GRIN2D: variants seen among roughly 807,000 people sequenced by gnomAD.
The protein encoded by GRIN2D is glutamate ionotropic receptor NMDA type subunit 2D.
A neutral mutation model predicts 103.2 loss-of-function variants in GRIN2D; 37 were observed. The ratio of observed to expected loss-of-function variants is 0.36; its 90% confidence interval spans 0.28 to 0.47. GRIN2D has a LOEUF of 0.47. GRIN2D is among the 20% of genes least tolerant of loss of function. The probability of loss-of-function intolerance (pLI) is 1.00; values close to 1 mark genes in which losing one functional copy is unlikely to be tolerated. For synonymous variants in GRIN2D, 845 were observed against 885.6 expected, an observed-to-expected ratio of 0.95 and a Z score of 0.81; for missense variants, 1,557 against 1,910.6, an observed-to-expected ratio of 0.81 and a Z score of 3.45.
chr19:48,438,676 C>T (rs547407509), intron 11 of GRIN2D, among the ~76,000 whole-genome samples: 3 of 152,080 alleles, frequency 2.0e-5, no homozygotes, highest in South Asian at 2.1e-4. Context: ...TCATGTGATC[C>T]GCCCGCCTCA....
chr19:48,430,233 T>C (rs1044382409), intron 11 of GRIN2D, among the ~76,000 whole-genome samples: 1 of 152,206 alleles, frequency 6.6e-6, no homozygotes, highest in African/African-American at 2.4e-5. Flanking sequence ...AGGGTCTCAC[T>C]ATGTTGCCCA....
Position 48,436,336 on chromosome 19 carries a change from T to C in GRIN2D, c.2253-5433T>C, listed in dbSNP as rs181585717. Among the ~76,000 whole-genome samples the C allele has an allele frequency of 5.9e-3, 905 of 152,172 alleles. 4 individuals are homozygous for C. Among genetic ancestry groups the C allele is most frequent in the African/African-American group, 0.02 (844 of 41,506 alleles). Reference sequence around the variant, plus strand: ...TGCTGTTTTCTGTTCCTGGGTGGGATGGCAGAACTGGCTGAGCCAGATTAC... The same window carrying C: ...TGCTGTTTTCTGTTCCTGGGTGGGACGGCAGAACTGGCTGAGCCAGATTAC... On this transcript the variant is annotated intron_variant, in intron 11 of 13. Transcript: ENST00000263269.
At position 48,442,544 on chromosome 19, in the gene GRIN2D, C is replaced by G; in HGVS notation, c.2674-56C>G. On this transcript the variant is annotated intron_variant, in intron 13 of 13. Coordinates refer to ENST00000263269, the MANE Select transcript of GRIN2D (RefSeq NM_000836.4). The surrounding 1 kb of genome is among the most constrained non-coding windows in gnomAD (Gnocchi z 7.2). ...AGAGGAGAGAGGGACTGAGGGGAGG[C>G]GGGCAGGCGTCCTGGGCATCTCGCG... The G allele has an allele frequency of 1.4e-6, 2 of 1,474,324 alleles. No homozygotes were observed. Among genetic ancestry groups the G allele is most frequent in the Non-Finnish European group, 1.8e-6 (2 of 1,117,230 alleles). 91.3% of individuals were successfully genotyped at this position (1,474,324 alleles called of 1,614,324 possible).
At chr19:48,412,414 GAGAA>G (rs1477293044) in intron 4 of GRIN2D, among the ~76,000 whole-genome samples, 2 of 115,828 alleles carry the variant, frequency 1.7e-5, no homozygotes, top group African/African-American at 6.3e-5. Flanking sequence ...AAGAAAGAAA[GAGAA>G]AGAAAAGAAA....
chr19:48,398,507 G>A lies in GRIN2D; in HGVS notation c.115G>A (p.Gly39Ser). Reference protein sequence around the residue: ...PEEAPGPGGAGGPGGGLGGAR... With the variant: ...PEEAPGPGGASGPGGGLGGAR... ...GGAGGCGCCGGGGCCGGGCGGGGCC[G>A]GTGGGCCCGGCGGCGGCCTCGGCGG... Residue 39 changes from glycine (G) to serine (S), a missense_variant, in exon 3 of 14, where the codon GGT (glycine) becomes AGT (serine). This residue lies in a region of GRIN2D where 490 missense variants were observed against 601.1 expected (regional missense o/e 0.82). Coordinates refer to ENST00000263269, the MANE Select transcript of GRIN2D (RefSeq NM_000836.4). 1 of 1,011,286 alleles carries A rather than the reference G, an allele frequency of 9.9e-7. No homozygotes were observed. 62.6% of individuals were successfully genotyped at this position (1,011,286 alleles called of 1,614,324 possible). A position where few individuals can be genotyped will look rare whatever the true frequency, so the allele number is the denominator to read the frequency against.
At chr19:48,430,487 T>C (rs932060488) in intron 11 of GRIN2D, among the ~76,000 whole-genome samples, 23 of 150,526 alleles carry the variant, frequency 1.5e-4, no homozygotes, top group Non-Finnish European at 3.0e-4. Flanking sequence ...GCGGGAGCCA[T>C]AGCTCCCAGC....
Position 48,414,858 on chromosome 19 carries a change from C to T in GRIN2D, c.1413-6C>T. ...CAAACTCCCCAAGCCTGGTCACTGC[C>T]CGCAGCCCTCCACCGGATGCCCCCC... On this transcript the variant is annotated splice_region_variant and splice_polypyrimidine_tract_variant and intron_variant, in intron 6 of 13. Coordinates refer to ENST00000263269, the MANE Select transcript of GRIN2D (RefSeq NM_000836.4). This position sits in a 1 kb window ranked among gnomAD's most constrained non-coding sequence, Gnocchi z 4.6. 1.2e-6 allele frequency: 2 copies of T among 1,613,938 alleles called. No homozygotes were observed. Among genetic ancestry groups the T allele is most frequent in the Non-Finnish European group, 1.7e-6 (2 of 1,179,968 alleles).
chr19:48,436,950 A>G (rs1404109050), intron 11 of GRIN2D, among the ~76,000 whole-genome samples: 1 of 152,066 alleles, frequency 6.6e-6, no homozygotes, highest in African/African-American at 2.4e-5. Context: ...TGACGAGGGG[A>G]GCCAAGAGGG....
intron 11 of GRIN2D, among the ~76,000 whole-genome samples, chr19:48,439,897 C>T (rs1157665147): frequency 6.6e-6 from 1 of 152,108 alleles, no homozygotes; most frequent in Non-Finnish European, 1.5e-5. Flanking sequence ...GAGCCCAGAT[C>T]GCACCATTGC....
At chr19:48,408,768 C>G (rs991878271) in intron 4 of GRIN2D, among the ~76,000 whole-genome samples, 2 of 150,298 alleles carry the variant, frequency 1.3e-5, no homozygotes, top group East Asian at 3.9e-4. Flanking sequence ...TGCAGTGAGC[C>G]GAGACCATAC....
Position 48,421,749 on chromosome 19 carries a change from C to G in GRIN2D, c.2092-36C>G. 1 of 1,587,760 alleles carries G rather than the reference C, an allele frequency of 6.3e-7. No homozygotes were observed. Among genetic ancestry groups the G allele is most frequent in the Non-Finnish European group, 8.6e-7 (1 of 1,159,802 alleles). On this transcript the variant is annotated intron_variant, in intron 10 of 13. Coordinates refer to ENST00000263269, the MANE Select transcript of GRIN2D (RefSeq NM_000836.4). This position sits in a 1 kb window ranked among gnomAD's most constrained non-coding sequence, Gnocchi z 4.8. ...GTGATTTATGTTAGGGATGTCCCTG[C>G]GGAGGGTGCCCTAATCACTCCCCAT...
Position 48,419,598 on chromosome 19 carries a change from A to C in GRIN2D, c.1875A>C (p.Ser625=), listed in dbSNP as rs765205157. 1 of 1,612,492 alleles carries C rather than the reference A, an allele frequency of 6.2e-7. No homozygotes were observed. The highest frequency in any genetic ancestry group is 1.1e-5 in the South Asian group (1 of 91,006). Reference sequence around the variant, plus strand: ...GGCCCCCTGCAGGCCCTGGCGGTTCAACCTTCACCATTGGGAAATCCATCT... The same window carrying C: ...GGCCCCCTGCAGGCCCTGGCGGTTCCACCTTCACCATTGGGAAATCCATCT... ...SLATGKRPGG[S]TFTIGKSIWL... is the part of the protein sequence containing the mutation. The change falls in exon 10 of 14, where the codon TCA becomes TCC. Residue 625 remains serine (S), a synonymous_variant. Coordinates refer to ENST00000263269, the MANE Select transcript of GRIN2D (RefSeq NM_000836.4).
At position 48,421,794 on chromosome 19, in the gene GRIN2D, C is replaced by T; in HGVS notation, c.2101C>T (p.Pro701Ser). ...SGLSDRKFQR[P>S]QEQYPPLKFG... ...CCCCATTCTGCCCCAGTTCCAGAGG[C>T]CCCAGGAGCAGTACCCGCCCCTGAA... Residue 701 changes from proline to serine, a missense_variant, in exon 11 of 14, where the codon CCC becomes TCC. Around this residue, in one of 7 missense-constraint regions of GRIN2D, gnomAD observed 138 missense variants for 270.2 expected, o/e 0.51. Coordinates refer to ENST00000263269, the MANE Select transcript of GRIN2D (RefSeq NM_000836.4). The surrounding 1 kb of genome is among the most constrained non-coding windows in gnomAD (Gnocchi z 4.8). 1 of 1,613,542 alleles carries T rather than the reference C, an allele frequency of 6.2e-7. No homozygotes were observed.
At chr19:48,403,225 G>C (rs898580268) in intron 3 of GRIN2D, among the ~76,000 whole-genome samples, 1 of 133,302 alleles carries the variant, frequency 7.5e-6, no homozygotes, top group Non-Finnish European at 1.6e-5. Flanking sequence ...AAAAAAAAAG[G>C]CTGGAGGATA....
At chr19:48,402,229 A>C (rs1970725393) in intron 3 of GRIN2D, among the ~76,000 whole-genome samples, 1 of 152,174 alleles carries the variant, frequency 6.6e-6, no homozygotes, top group Non-Finnish European at 1.5e-5. Flanking sequence ...AAAGGGTGAC[A>C]ATGAGAGTTG....
chr19:48,435,837 T>C (rs1396956600), intron 11 of GRIN2D, among the ~76,000 whole-genome samples: 1 of 152,244 alleles, frequency 6.6e-6, no homozygotes, highest in Non-Finnish European at 1.5e-5. Context: ...GCAAAGTCCC[T>C]GCCTCATGGA....
intron 11 of GRIN2D, 130 bp downstream of exon 11, chr19:48,422,075 C>A: frequency 1.2e-6 from 1 of 818,804 alleles, no homozygotes; most frequent in Non-Finnish European, 1.9e-6. Context: ...GCTTGGAGGG[C>A]GGAGGTCACT....
At chr19:48,429,219 T>A (rs1346244248) in intron 11 of GRIN2D, among the ~76,000 whole-genome samples, 1 of 152,096 alleles carries the variant, frequency 6.6e-6, no homozygotes, top group Admixed American at 6.6e-5. Flanking sequence ...ATACAAGAAT[T>A]TCAGTTTAGT....
Position 48,398,645 on chromosome 19 carries a change from C to T in GRIN2D, c.253C>T (p.Arg85Trp), listed in dbSNP as rs1180681765. 1.4e-6 allele frequency: 2 copies of T among 1,428,908 alleles called. No homozygotes were observed. The highest frequency in any genetic ancestry group is 1.8e-6 in the Non-Finnish European group (2 of 1,091,134). The allele number at this position is 1,428,908 out of a possible 1,614,324, so 88.5% of individuals were successfully genotyped here. The stretch of plus-strand genomic sequence containing the variant: ...GGTGCGCAGCCCGGGCCTAGACGTG[C>T]GGCCCGTGGCGCTGGTGCTCAACGG... ...AAVRSPGLDV[R>W]PVALVLNGSD... The change falls in exon 3 of 14, where the codon CGG becomes TGG. Residue 85 changes from arginine to tryptophan, a missense_variant. Arg to Trp is a moderately radical substitution (Grantham distance 101, BLOSUM62 -3). Coordinates refer to ENST00000263269, the MANE Select transcript of GRIN2D (RefSeq NM_000836.4).
Sources: allele counts gnomAD v4.1 joint callset (sites outside exome capture counted in the v4.1 genomes callset), GRCh38; gene constraint gnomAD v4.1.1; regional missense constraint gnomAD v4.1.1; non-coding constraint Gnocchi (gnomAD v3.1); transcripts MANE v1.5; gene names NCBI Gene and HGNC (gene_info 2026-07-23, HGNC 2026-07-21).